ANKS1B: variants seen among roughly 807,000 people sequenced by gnomAD.
The protein encoded by ANKS1B is ankyrin repeat and sterile alpha motif domain-containing protein 1B.
A neutral mutation model predicts 148.3 loss-of-function variants in ANKS1B; 36 were observed. The observed-to-expected ratio is 0.24, with a 90% CI of 0.19 to 0.32. The LOEUF is 0.32. Ranked by LOEUF, ANKS1B falls within the 10% of genes least tolerant of loss-of-function variation. ANKS1B has a pLI of 1.00. For missense variants in ANKS1B, 1,157 were observed against 1,542.6 expected (o/e 0.75, Z 4.19); for synonymous variants, 542 against 560.8 (o/e 0.97, Z 0.47).
chr12:98,894,992 G>A, intron 17 of ANKS1B: 1 of 684,330 alleles, frequency 1.5e-6, no homozygotes, highest in Non-Finnish European at 1.8e-6. Context: ...CCTGGCGGCA[G>A]CGGCGGCGGC....
chr12:99,259,389 A>G (rs2075675180), intron 12 of ANKS1B, among the ~76,000 whole-genome samples: 1 of 152,148 alleles, frequency 6.6e-6, no homozygotes, highest in Non-Finnish European at 1.5e-5. Flanking sequence ...CTGAAAAGCC[A>G]CCCAGGTAAG....
At chr12:99,204,069 TTC>T (rs3079392) in intron 14 of ANKS1B, among the ~76,000 whole-genome samples, 82,861 of 151,824 alleles carry the variant, frequency 0.55, 23,636 homozygotes, top group Non-Finnish European at 0.63. Flanking sequence ...ATAAATCTAT[TTC>T]TGTTAGTCAC....
chr12:99,014,836 A>G (rs1331392347), intron 17 of ANKS1B, among the ~76,000 whole-genome samples: 4 of 152,208 alleles, frequency 2.6e-5, no homozygotes, highest in Admixed American at 2.6e-4. Context: ...ATCTTACACC[A>G]GTCTGACTCT....
At chr12:99,560,815 T>A (rs1163315966) in intron 9 of ANKS1B, among the ~76,000 whole-genome samples, 2 of 151,320 alleles carry the variant, frequency 1.3e-5, no homozygotes, top group African/African-American at 4.9e-5. Flanking sequence ...AGATTGGGGT[T>A]GCAATGGCAA....
intron 9 of ANKS1B, among the ~76,000 whole-genome samples, chr12:99,580,999 A>C (rs1189521662): frequency 6.6e-6 from 1 of 152,200 alleles, no homozygotes; most frequent in Admixed American, 6.5e-5. Context: ...ATTCAGTGCA[A>C]TCACAGTAAA....
intron 9 of ANKS1B, among the ~76,000 whole-genome samples, chr12:99,517,381 T>A (rs768036468): frequency 2.6e-5 from 4 of 152,090 alleles, no homozygotes; most frequent in Non-Finnish European, 5.9e-5. Context: ...CTACTAAATT[T>A]ATCAATTCTC....
chr12:99,144,127 G>A (rs1250668442), intron 15 of ANKS1B, among the ~76,000 whole-genome samples: 5 of 151,940 alleles, frequency 3.3e-5, no homozygotes, highest in African/African-American at 1.2e-4. Context: ...TTATTAAATT[G>A]GCTATATTTT....
chr12:99,555,729 G>A (rs531974080), intron 9 of ANKS1B, among the ~76,000 whole-genome samples: 1 of 151,894 alleles, frequency 6.6e-6, no homozygotes, highest in East Asian at 1.9e-4. Flanking sequence ...TGTTTATATG[G>A]CAAATCATAT....
chr12:99,821,581 A>G (rs2082507153), intron 2 of ANKS1B, among the ~76,000 whole-genome samples: 1 of 152,198 alleles, frequency 6.6e-6, no homozygotes. Flanking sequence ...ACTGAAAATG[A>G]AGGAGGGATA....
chr12:99,114,485 C>T (rs1350832229), intron 15 of ANKS1B, among the ~76,000 whole-genome samples: 1 of 152,204 alleles, frequency 6.6e-6, no homozygotes. Flanking sequence ...GGCATGGTGG[C>T]TCATGCCTGT....
At chr12:98,869,113 A>G (rs2099640251) in intron 17 of ANKS1B, among the ~76,000 whole-genome samples, 1 of 152,128 alleles carries the variant, frequency 6.6e-6, no homozygotes, top group South Asian at 2.1e-4. Context: ...TAGCCCTTGC[A>G]CACCCCCGCC....
At chr12:99,797,918 G>C (rs2066448194) in intron 4 of ANKS1B, among the ~76,000 whole-genome samples, 2 of 151,856 alleles carry the variant, frequency 1.3e-5, no homozygotes, top group South Asian at 4.1e-4. Context: ...CTTCTTTTTG[G>C]CGTTATATAT....
chr12:99,426,129 T>C (rs982137909), intron 11 of ANKS1B, among the ~76,000 whole-genome samples: 5 of 152,126 alleles, frequency 3.3e-5, no homozygotes, highest in African/African-American at 9.6e-5. Flanking sequence ...GATAAGAAAA[T>C]GTGTCTCTCA....
intron 9 of ANKS1B, among the ~76,000 whole-genome samples, chr12:99,653,135 A>G (rs898069140): frequency 6.6e-6 from 1 of 152,170 alleles, no homozygotes; most frequent in Non-Finnish European, 1.5e-5. Flanking sequence ...GGTAAAGCAA[A>G]CCTAATATTA....
chr12:99,827,941 A>G (rs1214596441), intron 1 of ANKS1B, among the ~76,000 whole-genome samples: 1 of 152,212 alleles, frequency 6.6e-6, no homozygotes, highest in Non-Finnish European at 1.5e-5. Context: ...CACTGTAGGT[A>G]TTTAGCCCAG....
intron 17 of ANKS1B, among the ~76,000 whole-genome samples, chr12:98,893,178 T>C (rs1159624367): frequency 2.0e-5 from 3 of 152,212 alleles, no homozygotes; most frequent in Non-Finnish European, 4.4e-5. Flanking sequence ...TTCTTCTCTA[T>C]CTGAGTCCAA....
intron 14 of ANKS1B, among the ~76,000 whole-genome samples, chr12:99,163,505 T>G (rs7958725): frequency 0.026 from 1,955 of 76,008 alleles, 26 homozygotes; most frequent in African/African-American, 0.1. Context: ...GTGTGTGTGT[T>G]TAGTTCTGTA....
chr12:99,361,389 T>C (rs1009273878), intron 12 of ANKS1B, among the ~76,000 whole-genome samples: 3 of 152,158 alleles, frequency 2.0e-5, no homozygotes, highest in Admixed American at 2.0e-4. Context: ...GAAAGTCTCA[T>C]TTCAAACGCT....
At chr12:99,932,881 T>A (rs1047739844) in intron 1 of ANKS1B, among the ~76,000 whole-genome samples, 2 of 152,162 alleles carry the variant, frequency 1.3e-5, no homozygotes, top group Admixed American at 1.3e-4. Context: ...AATTTTCTTG[T>A]ACCAATTTCA....
Sources: gnomAD v4.1 joint callset for allele counts (sites outside exome capture counted in the v4.1 genomes callset) on GRCh38, gnomAD v4.1.1 for gene constraint, MANE v1.5 for transcripts, NCBI Gene and HGNC (gene_info 2026-07-23, HGNC 2026-07-21) for gene names.